Variants in ARIH1 observed in about 807,000 individuals in gnomAD.
ARIH1 encodes the protein ariadne RBR E3 ubiquitin protein ligase 1, also known as E3 ubiquitin-protein ligase ARIH1.
ARIH1 carries 8 observed loss-of-function variants against 85.0 expected under a neutral mutation model. The observed-to-expected ratio is 0.09, with a 90% confidence interval of 0.06 to 0.17. The LOEUF (loss-of-function observed/expected upper bound fraction) is 0.17, where lower values mean the gene tolerates loss of function less well. Ranked by LOEUF, ARIH1 falls within the 10% of genes least tolerant of loss-of-function variation. The pLI, the probability that ARIH1 is intolerant of heterozygous loss-of-function variation, is 1.00. For synonymous variants in ARIH1, 238 were observed against 253.6 expected, an observed-to-expected ratio of 0.94 and a Z score of 0.59; for missense variants, 311 against 718.1, an observed-to-expected ratio of 0.43 and a Z score of 6.48.
At chr15:72,517,743 T>C (rs1440772162) in intron 1 of ARIH1, among the ~76,000 whole-genome samples, 1 of 152,092 alleles carries the variant, frequency 6.6e-6, no homozygotes, top group African/African-American at 2.4e-5. Flanking sequence ...TTACATTTAG[T>C]GTGCTGATGT....
At chr15:72,557,724 A>G (rs988846303) in intron 5 of ARIH1, among the ~76,000 whole-genome samples, 1 of 152,156 alleles carries the variant, frequency 6.6e-6, no homozygotes, top group African/African-American at 2.4e-5. Flanking sequence ...ATTTTTGTAT[A>G]TGGTGAAAGA....
rs10615863 is a variant in ARIH1 at position 72,540,258 on chromosome 15, CAAAAAAAAA to C, written c.444-4546_444-4538del. Among the ~76,000 whole-genome samples, 27 of 81,366 alleles carry C rather than the reference CAAAAAAAAA, an allele frequency of 3.3e-4. 1 individual carries two copies. The Admixed American group carries it at 3.3e-3, about 10-fold the overall frequency. 53.4% of individuals were successfully genotyped at this position (81,366 alleles called of 152,430 possible). On this transcript the variant is annotated intron_variant, in intron 2 of 13. Transcript: ENST00000379887. ...GGGTGACAAGAGCGAGACTTTGTCT[CAAAAAAAAA>C]AAAAAAAAAAAAAAATTAGTGAAAA...
intron 11 of ARIH1, among the ~76,000 whole-genome samples, chr15:72,579,832 C>A (rs2064288180): frequency 6.6e-6 from 1 of 152,118 alleles, no homozygotes; most frequent in Non-Finnish European, 1.5e-5. Context: ...ATGGACAAAT[C>A]ATAATTATAC....
intron 3 of ARIH1, among the ~76,000 whole-genome samples, chr15:72,554,825 C>G (rs1187557775): frequency 1.3e-5 from 2 of 152,120 alleles, no homozygotes; most frequent in African/African-American, 4.8e-5. Flanking sequence ...GTGATCTCAG[C>G]TCACTACAAC....
At chr15:72,578,420 T>C (rs1245608231) in intron 11 of ARIH1, among the ~76,000 whole-genome samples, 1 of 152,164 alleles carries the variant, frequency 6.6e-6, no homozygotes, top group Non-Finnish European at 1.5e-5. Flanking sequence ...ATCTTTACGT[T>C]TGTTTACATT....
In ARIH1 at chr15:72,474,348, C is replaced by A; in HGVS notation, c.-292C>A. 2.5e-6 allele frequency: 1 copy of A among 402,078 alleles called. No individual in the cohort carries two copies. The highest frequency in any genetic ancestry group is 4.5e-6 in the Non-Finnish European group (1 of 223,016). 24.9% of individuals were successfully genotyped at this position (402,078 alleles called of 1,614,324 possible). ...TTGGCTCAGTAGCGATAGCAGCGGC[C>A]GTGGAGGTGGCGTTGGGGACTGTTT... On this transcript the variant is annotated 5_prime_UTR_variant, in exon 1 of 14. Coordinates refer to ENST00000379887, the MANE Select transcript of ARIH1 (RefSeq NM_005744.5).
chr15:72,597,103 G>A lies in ARIH1; in HGVS notation c.*13811G>A, dbSNP rs183768639. 3.0e-4 allele frequency: 44 copies of A among 147,584 alleles called. No individual in the cohort carries two copies. Among genetic ancestry groups the A allele is most frequent in the Admixed American group, 1.3e-3 (20 of 14,850 alleles). 9.1% of individuals were successfully genotyped at this position (147,584 alleles called of 1,614,324 possible). A position where few individuals can be genotyped will look rare whatever the true frequency, so the allele number is the denominator to read the frequency against. ...TTGTATATTTGATTGGATGATGGAC[G>A]TTTTATGTTGAAAAAAAAAAGAAAT... On this transcript the variant is annotated 3_prime_UTR_variant, in exon 14 of 14. Coordinates refer to ENST00000379887, the MANE Select transcript of ARIH1 (RefSeq NM_005744.5).
intron 11 of ARIH1, chr15:72,572,401 C>T: frequency 3.1e-6 from 1 of 318,802 alleles, no homozygotes; most frequent in South Asian, 5.8e-5. Context: ...CCACACCCTG[C>T]TAATTTTTGT....
At chr15:72,580,710 C>G in intron 11 of ARIH1, 21 bp from the exon 12 acceptor site, 1 of 1,592,980 alleles carries the variant, frequency 6.3e-7, no homozygotes, top group Non-Finnish European at 8.6e-7. Flanking sequence ...TTATATCACC[C>G]AATTTTTCTT....
rs57834481 is a variant in ARIH1 at position 72,510,736 on chromosome 15, CAAAAAAAAAAAAAAAA to C, written c.376-7312_376-7297del. Among the ~76,000 whole-genome samples, 84 of 26,726 alleles carry C rather than the reference CAAAAAAAAAAAAAAAA, an allele frequency of 3.1e-3. 1 individual carries two copies. Among genetic ancestry groups the C allele is most frequent in the East Asian group, 0.011 (8 of 700 alleles). The allele number at this position is 26,726 out of a possible 152,430, so 17.5% of individuals were successfully genotyped here. The stretch of plus-strand genomic sequence containing the variant: ...TGGGCAACAGAGCAAGACTCTGACT[CAAAAAAAAAAAAAAAA>C]AAAAAAAAAAAAAAAAAAGACTTTT... On this transcript the variant is annotated intron_variant, in intron 1 of 13. Transcript: ENST00000379887.
At chr15:72,528,510 T>C (rs1159679719) in intron 2 of ARIH1, among the ~76,000 whole-genome samples, 1 of 152,204 alleles carries the variant, frequency 6.6e-6, no homozygotes, top group Non-Finnish European at 1.5e-5. Context: ...AACCTTGCCT[T>C]TTTGATGACA....
intron 2 of ARIH1, among the ~76,000 whole-genome samples, chr15:72,537,791 G>T (rs2064089358): frequency 6.6e-6 from 1 of 152,144 alleles, no homozygotes; most frequent in African/African-American, 2.4e-5. Context: ...TAGAATAATT[G>T]TGACTTTTGT....
intron 13 of ARIH1, among the ~76,000 whole-genome samples, 192 bp from the exon 14 acceptor site, chr15:72,583,016 A>G (rs1026638919): frequency 6.6e-5 from 10 of 152,198 alleles, no homozygotes; most frequent in Admixed American, 2.0e-4. Context: ...TTCAGAAAAT[A>G]CCATTTTAAT....
chr15:72,550,572 C>T (rs1261149900), intron 3 of ARIH1, among the ~76,000 whole-genome samples: 1 of 152,142 alleles, frequency 6.6e-6, no homozygotes, highest in Admixed American at 6.5e-5. Context: ...AAATCTCCTT[C>T]TCTGATGGGG....
intron 3 of ARIH1, among the ~76,000 whole-genome samples, chr15:72,547,094 A>AT (rs1462526861): frequency 2.9e-5 from 4 of 139,550 alleles, no homozygotes; most frequent in South Asian, 2.3e-4. Context: ...CGCCTGGCTG[A>AT]TTTTTTGTGT....
intron 7 of ARIH1, among the ~76,000 whole-genome samples, chr15:72,566,046 A>G (rs188802604): frequency 2.4e-4 from 37 of 152,278 alleles, no homozygotes; most frequent in Non-Finnish European, 4.4e-4. Flanking sequence ...TTTAGTGAGT[A>G]TTTAGTCTTT....
chr15:72,537,491 A>AT (rs1197559427), intron 2 of ARIH1, among the ~76,000 whole-genome samples: 3 of 152,118 alleles, frequency 2.0e-5, no homozygotes, highest in Non-Finnish European at 2.9e-5. Flanking sequence ...TTATTTTAGT[A>AT]TTTTTTATGA....
rs916683457 is a variant in ARIH1, at chr15:72,524,646, A to G, written c.443+6512A>G. Among the ~76,000 whole-genome samples the G allele has an allele frequency of 3.9e-5, 6 of 152,216 alleles. No individual in the cohort carries two copies. In the East Asian group the frequency reaches 5.8e-4, roughly 15 times the overall value. ...AGTAAAAGATTCCACTCCTTCCCCA[A>G]AAAGTACTGGATGATTTTATGGGTA... On this transcript the variant is annotated intron_variant, in intron 2 of 13. Transcript: ENST00000379887.
intron 1 of ARIH1, among the ~76,000 whole-genome samples, chr15:72,483,237 A>G (rs568507444): frequency 6.6e-6 from 1 of 152,044 alleles, no homozygotes; most frequent in African/African-American, 2.4e-5. Context: ...ACCAGGCCAG[A>G]TTTTCACTGG....
Sources: allele counts gnomAD v4.1 joint callset (sites outside exome capture counted in the v4.1 genomes callset), GRCh38; gene constraint gnomAD v4.1.1; transcripts MANE v1.5; gene names NCBI Gene and HGNC (gene_info 2026-07-23, HGNC 2026-07-21).